NBEA: variants seen among roughly 807,000 people sequenced by gnomAD.
NBEA encodes the protein lysosomal-trafficking regulator 2.
NBEA carries 44 observed loss-of-function variants against 343.4 expected under a neutral mutation model. That is an observed-to-expected ratio of 0.13 (90% CI 0.10 to 0.16). The LOEUF (loss-of-function observed/expected upper bound fraction) is 0.16. Among genes scored for constraint, NBEA ranks in the 10% least tolerant of loss-of-function variants. NBEA has a pLI of 1.00. For missense variants in NBEA, 2,555 were observed against 3,631.3 expected (o/e 0.70, Z 7.62); for synonymous variants, 1,175 against 1,238.7 (o/e 0.95, Z 1.08).
chr13:35,070,167 T>C lies in NBEA; in HGVS notation c.1437+62T>C. ...AGAATTTGACAGTATCTTTATTTTA[T>C]ATATCAAACATTGCTCATCTATAAA... On this transcript the variant is annotated intron_variant, in intron 9 of 58. Coordinates refer to ENST00000379939, the MANE Select transcript of NBEA (RefSeq NM_001385012.1). The C allele has an allele frequency of 2.2e-6, 3 of 1,343,950 alleles. No individual in the cohort carries two copies. The South Asian group carries it at 5.4e-5, about 24-fold the overall frequency. 83.3% of individuals were successfully genotyped at this position (1,343,950 alleles called of 1,614,324 possible). A position where few individuals can be genotyped will look rare whatever the true frequency, so the allele number is the denominator to read the frequency against.
chr13:34,966,775 CATT>C (rs2059834312), intron 1 of NBEA, among the ~76,000 whole-genome samples: 1 of 151,684 alleles, frequency 6.6e-6, no homozygotes, highest in African/African-American at 2.4e-5. Flanking sequence ...TATAACAGAT[CATT>C]ATATTATTGT....
intron 1 of NBEA, among the ~76,000 whole-genome samples, chr13:34,971,078 A>G (rs1375891239): frequency 6.6e-6 from 1 of 152,048 alleles, no homozygotes; most frequent in African/African-American, 2.4e-5. Context: ...TTGTCACTGT[A>G]GAGATCTTTC....
intron 36 of NBEA, among the ~76,000 whole-genome samples, chr13:35,341,379 A>G (rs927819914): frequency 6.6e-5 from 10 of 152,096 alleles, no homozygotes; most frequent in African/African-American, 2.2e-4. Flanking sequence ...GGACAAGCAA[A>G]AAAAAGTAGA....
intron 38 of NBEA, among the ~76,000 whole-genome samples, chr13:35,396,947 CTCTTCA>C (rs915704870): frequency 6.6e-6 from 1 of 152,076 alleles, no homozygotes; most frequent in Non-Finnish European, 1.5e-5. Context: ...CTGACCTCAT[CTCTTCA>C]TTTTCAATGC....
At chr13:35,183,366 A>C (rs910825291) in intron 29 of NBEA, among the ~76,000 whole-genome samples, 5 of 152,050 alleles carry the variant, frequency 3.3e-5, no homozygotes, top group African/African-American at 1.2e-4. Flanking sequence ...AAATAAATGC[A>C]TATGATTTAT....
At chr13:35,435,683 C>A (rs1278600151) in intron 39 of NBEA, among the ~76,000 whole-genome samples, 3 of 151,870 alleles carry the variant, frequency 2.0e-5, no homozygotes, top group Admixed American at 6.6e-5. Context: ...TTTATCCCTG[C>A]AAGTTGAATT....
intron 1 of NBEA, among the ~76,000 whole-genome samples, chr13:35,023,695 A>G (rs1321320507): frequency 6.6e-6 from 1 of 152,196 alleles, no homozygotes; most frequent in Admixed American, 6.5e-5. Flanking sequence ...GAAATATAGA[A>G]TAATGCAGTG....
chr13:35,445,140 A>G (rs1487261059), intron 39 of NBEA, among the ~76,000 whole-genome samples: 1 of 152,166 alleles, frequency 6.6e-6, no homozygotes, highest in Non-Finnish European at 1.5e-5. Context: ...GCATTGTGCC[A>G]AGACCATAGA....
intron 36 of NBEA, among the ~76,000 whole-genome samples, chr13:35,324,672 A>G (rs117985315): frequency 1.9e-3 from 290 of 152,300 alleles, no homozygotes; most frequent in Non-Finnish European, 3.2e-3. Flanking sequence ...AGTAACTCAT[A>G]ATTGAGAGGT....
At chr13:35,655,268 C>T (rs368384402) in intron 54 of NBEA, among the ~76,000 whole-genome samples, 2 of 152,096 alleles carry the variant, frequency 1.3e-5, no homozygotes, top group Admixed American at 6.5e-5. Context: ...AGTAAAAGAT[C>T]CTAAAACTCC....
chr13:35,497,180 A>G (rs2076712628), intron 41 of NBEA, among the ~76,000 whole-genome samples: 1 of 152,086 alleles, frequency 6.6e-6, no homozygotes, highest in Non-Finnish European at 1.5e-5. Flanking sequence ...TGCCACTTAA[A>G]GTGATTCACT....
rs2066182235 is a variant in NBEA, at chr13:35,111,124, G to GTGGTA, written c.2002+147_2002+151dup. ...CAAACTGGCATATTGAGAATTGTTT[G>GTGGTA]TGGTAAAGAAGTTTAGGGCTTTTCA... is the stretch of plus-strand genomic sequence containing the variant. On this transcript the variant is annotated intron_variant, in intron 13 of 58. Transcript: ENST00000379939. The GTGGTA allele has an allele frequency of 6.5e-6, 4 of 611,266 alleles. No homozygotes were observed. The East Asian group carries it at 1.4e-4, about 21-fold the overall frequency. The allele number at this position is 611,266 out of a possible 1,614,324, so 37.9% of individuals were successfully genotyped here. A position where few individuals can be genotyped will look rare whatever the true frequency, so the allele number is the denominator to read the frequency against.
intron 45 of NBEA, among the ~76,000 whole-genome samples, chr13:35,568,818 G>A (rs759195490): frequency 8.5e-5 from 13 of 152,140 alleles, no homozygotes; most frequent in Non-Finnish European, 1.8e-4. Flanking sequence ...TGGATTTGGG[G>A]CATTTGAGAT....
At chr13:34,998,839 A>G (rs367888738) in intron 1 of NBEA, among the ~76,000 whole-genome samples, 78 of 152,320 alleles carry the variant, frequency 5.1e-4, no homozygotes, top group African/African-American at 1.8e-3. Flanking sequence ...GCTTACGAAG[A>G]TGACGGGATT....
chr13:35,525,974 C>T (rs775955818), intron 41 of NBEA, among the ~76,000 whole-genome samples: 6 of 152,270 alleles, frequency 3.9e-5, no homozygotes, highest in Non-Finnish European at 8.8e-5. Context: ...GGGAGAGACA[C>T]GAACGTTCGG....
chr13:35,299,747 G>A (rs1371476053), intron 35 of NBEA, among the ~76,000 whole-genome samples: 1 of 152,108 alleles, frequency 6.6e-6, no homozygotes, highest in East Asian at 1.9e-4. Context: ...TTCTCAAATG[G>A]CAAAAAATTC....
chr13:35,155,223 A>G (rs764182321), intron 18 of NBEA, among the ~76,000 whole-genome samples: 1 of 151,812 alleles, frequency 6.6e-6, no homozygotes, highest in East Asian at 1.9e-4. Context: ...TTAATTTCCT[A>G]ATCTTTCCTT....
In NBEA at chr13:35,216,418, G is replaced by A. The variant is rs559554561; in HGVS notation, c.5648+5239G>A. On this transcript the variant is annotated intron_variant, in intron 33 of 58. Transcript: ENST00000379939. ...TGAGTTAAATAGTTGGAACAGAGAC[G>A]ATATGGCCTAAAGCTTAAAATATTT... 5.3e-5 allele frequency among the ~76,000 whole-genome samples: 8 copies of A among 151,976 alleles called. No homozygotes were observed. In the South Asian group the frequency reaches 1.2e-3, roughly 24 times the overall value.
Position 35,173,570 on chromosome 13 carries a change from T to C in NBEA, c.4530T>C (p.Ser1510=). The change falls in exon 27 of 59, where the codon AGT becomes AGC. Residue 1510 remains serine (S), a synonymous_variant. Transcript: ENST00000379939. ...GTAAACCTCAGGAAGTTCCTCAAAG[T>C]GTGACTGCTACAGCAGCTTCGAAGG... The part of the protein sequence containing the change: ...GSSKPQEVPQ[S]VTATAASKTP... The C allele has an allele frequency of 6.2e-7, 1 of 1,611,762 alleles. No individual in the cohort carries two copies. The highest frequency in any genetic ancestry group is 8.5e-7 in the Non-Finnish European group (1 of 1,178,570).
Sources: gnomAD v4.1 joint callset for allele counts (sites outside exome capture counted in the v4.1 genomes callset) on GRCh38, gnomAD v4.1.1 for gene constraint, MANE v1.5 for transcripts, NCBI Gene and HGNC (gene_info 2026-07-23, HGNC 2026-07-21) for gene names.